The following NFATC3 variants were observed in gnomAD, a reference collection of about 807,000 sequenced individuals.
NFATC3 encodes the protein nuclear factor of activated T-cells, cytoplasmic 3.
In NFATC3, 46 loss-of-function variants were observed where a neutral mutation model predicts 98.6. The observed-to-expected ratio is 0.47, with a 90% CI of 0.37 to 0.60. NFATC3 has a LOEUF of 0.60. NFATC3 is among the 20% of genes least tolerant of loss of function. The pLI, the probability that NFATC3 is intolerant of heterozygous loss-of-function variation, is 0.00. For missense variants in NFATC3, 1,256 were observed against 1,295.5 expected (o/e 0.97, Z 0.47); for synonymous variants, 512 against 472.2 (o/e 1.08, Z -1.09).
At chr16:68,189,306 G>A (rs2040341288) in intron 8 of NFATC3, 1 of 193,876 alleles carries the variant, frequency 5.2e-6, no homozygotes, top group Admixed American at 5.0e-5. Context: ...CTTGGGTAGA[G>A]TGATGTCTGG....
Position 68,190,751 on chromosome 16 carries a change from A to G in NFATC3, c.2099-17A>G, listed in dbSNP as rs375504415. The G allele has an allele frequency of 2.7e-5, 42 of 1,580,168 alleles. No homozygotes were observed. The African/African-American group carries it at 4.1e-4, about 15-fold the overall frequency. Reference sequence around the variant, plus strand: ...TGTATTGTATAATAATATTTGCTTTAATCATTTTCTTTTCAGTTTTGATGA... The same window carrying G: ...TGTATTGTATAATAATATTTGCTTTGATCATTTTCTTTTCAGTTTTGATGA... On this transcript the variant is annotated splice_polypyrimidine_tract_variant and intron_variant, in intron 8 of 9. Transcript: ENST00000346183.
chr16:68,109,629 G>C (rs2151478578), intron 1 of NFATC3, among the ~76,000 whole-genome samples: 3 of 152,270 alleles, frequency 2.0e-5, no homozygotes, highest in Admixed American at 2.0e-4. Flanking sequence ...CGGTTGTTTG[G>C]AATAGTTTCG....
intron 9 of NFATC3, among the ~76,000 whole-genome samples, chr16:68,201,790 A>C (rs2040926303): frequency 6.7e-6 from 1 of 149,978 alleles, no homozygotes; most frequent in Non-Finnish European, 1.5e-5. Flanking sequence ...ATCTCTACCA[A>C]AAAGGAAAAA....
rs1207593190 is a variant in NFATC3 at position 68,190,860 on chromosome 16, T to C, written c.2191T>C (p.Ser731Pro). Residue 731 changes from serine to proline, a missense_variant, in exon 9 of 10, where the codon TCT (serine) becomes CCT (proline). Ser to Pro is a moderately conservative substitution (Grantham distance 74, BLOSUM62 -1). Transcript: ENST00000346183. ...TCCTGCTCAGACCCAGAGGCCTTCCTCTGATTCAGGGTGTTCACATGACAG... is the reference window on the plus strand; with the variant it reads ...TCCTGCTCAGACCCAGAGGCCTTCCCCTGATTCAGGGTGTTCACATGACAG... ...PHPAQTQRPS[S>P]DSGCSHDSVL... 4 of 1,614,228 alleles carry C rather than the reference T, an allele frequency of 2.5e-6. No homozygotes were observed. In the South Asian group the frequency reaches 4.4e-5, roughly 18 times the overall value.
chr16:68,149,006 AAAATT>A (rs2038181045), intron 3 of NFATC3, among the ~76,000 whole-genome samples: 1 of 152,190 alleles, frequency 6.6e-6, no homozygotes, highest in Non-Finnish European at 1.5e-5. Flanking sequence ...AAAAGAAAAA[AAAATT>A]AAATTGAATT....
Position 68,228,573 on chromosome 16 carries a change from T to G in NFATC3, c.*2102T>G, listed in dbSNP as rs1189890414. ...ATGCTTTCCTATTTAAAATAAACAT[T>G]AAATTTTAAAATAGAGCTTTGTATA... On this transcript the variant is annotated 3_prime_UTR_variant, in exon 10 of 10. Transcript: ENST00000346183. 1 of 152,626 alleles carries G rather than the reference T, an allele frequency of 6.6e-6. No individual in the cohort carries two copies. The highest frequency in any genetic ancestry group is 1.5e-5 in the Non-Finnish European group (1 of 68,036). 9.5% of individuals were successfully genotyped at this position (152,626 alleles called of 1,614,324 possible).
intron 6 of NFATC3, among the ~76,000 whole-genome samples, chr16:68,175,378 A>G (rs1338364988): frequency 6.6e-6 from 1 of 151,856 alleles, no homozygotes; most frequent in Non-Finnish European, 1.5e-5. Flanking sequence ...ATATCCCCCA[A>G]CCCTCTGAGT....
chr16:68,183,341 G>A lies in NFATC3; in HGVS notation c.2073G>A (p.Gln691=), dbSNP rs937572098. The part of the protein sequence containing the change: ...YLCNGKRKKS[Q]SQRFTYTPVL... ...GCAATGGCAAGAGGAAAAAAAGCCA[G>A]TCTCAACGTTTTACTTATACACCAG... The change falls in exon 8 of 10, where the codon CAG becomes CAA. Residue 691 remains glutamine, a synonymous_variant. Transcript: ENST00000346183. 11 of 1,613,504 alleles carry A rather than the reference G, an allele frequency of 6.8e-6. No individual in the cohort carries two copies. Among genetic ancestry groups the A allele is most frequent in the Admixed American group, 3.3e-5 (2 of 60,008 alleles).
intron 5 of NFATC3, among the ~76,000 whole-genome samples, chr16:68,168,184 G>C (rs1598490214): frequency 6.7e-6 from 1 of 149,918 alleles, no homozygotes; most frequent in South Asian, 2.1e-4. Flanking sequence ...TTTTTGAGAC[G>C]GAGTCTCACT....
chr16:68,190,577 G>A (rs535663098), intron 8 of NFATC3, among the ~76,000 whole-genome samples, 191 bp from the exon 9 acceptor site: 20 of 152,128 alleles, frequency 1.3e-4, no homozygotes, highest in Admixed American at 1.2e-3. Context: ...GAAGCAAAAC[G>A]TGTATGTGTA....
chr16:68,162,529 A>G (rs1343989592), intron 4 of NFATC3, among the ~76,000 whole-genome samples: 3 of 151,970 alleles, frequency 2.0e-5, no homozygotes, highest in Non-Finnish European at 4.4e-5. Flanking sequence ...GGAAAAATTC[A>G]TAGATACTCC....
At chr16:68,176,333 A>G (rs1039539420) in intron 6 of NFATC3, among the ~76,000 whole-genome samples, 1 of 149,698 alleles carries the variant, frequency 6.7e-6, no homozygotes, top group Non-Finnish European at 1.5e-5. Context: ...AATGGAAACA[A>G]CCTAAATGCT....
intron 5 of NFATC3, among the ~76,000 whole-genome samples, chr16:68,171,088 ACC>A (rs2039437630): frequency 6.6e-6 from 1 of 151,692 alleles, no homozygotes; most frequent in African/African-American, 2.4e-5. Context: ...GCTCACTGCA[ACC>A]TCTGCCTCCT....
intron 3 of NFATC3, among the ~76,000 whole-genome samples, chr16:68,145,522 A>T (rs868331071): frequency 9.2e-5 from 14 of 152,252 alleles, no homozygotes; most frequent in African/African-American, 2.9e-4. Context: ...CATACAATGT[A>T]CTACCACTCA....
rs774587899 is a variant in NFATC3, at chr16:68,191,439, A to C, written c.2770A>C (p.Thr924Pro). 1 of 1,614,142 alleles carries C rather than the reference A, an allele frequency of 6.2e-7. No individual in the cohort carries two copies. The highest frequency in any genetic ancestry group is 1.1e-5 in the South Asian group (1 of 91,084). Residue 924 changes from threonine (T) to proline (P), a missense_variant, in exon 9 of 10, where the codon ACA becomes CCA. Physicochemically the swap from Thr to Pro is conservative, Grantham distance 38 (BLOSUM62 -1). This residue lies in a region of NFATC3 where 636 missense variants were observed against 617.3 expected (regional missense o/e 1.03). Transcript: ENST00000346183. Reference sequence around the variant, plus strand: ...TGGTCCTTCACATTCAGGGTCTGCTACAACAGCTTCCCCAGCAGCTTCTCA... The same window carrying C: ...TGGTCCTTCACATTCAGGGTCTGCTCCAACAGCTTCCCCAGCAGCTTCTCA... ...TYGPSHSGSA[T>P]TASPAASHPL...
intron 8 of NFATC3, among the ~76,000 whole-genome samples, chr16:68,189,821 T>C (rs571055971): frequency 6.6e-6 from 1 of 152,290 alleles, no homozygotes; most frequent in Admixed American, 6.5e-5. Flanking sequence ...CCCAGCACTT[T>C]GGGAGGTTGA....
At chr16:68,140,706 A>G (rs1357161996) in intron 3 of NFATC3, among the ~76,000 whole-genome samples, 2 of 152,126 alleles carry the variant, frequency 1.3e-5, no homozygotes, top group African/African-American at 2.4e-5. Context: ...AAAAAAAAGG[A>G]GTATTTTAGT....
intron 3 of NFATC3, among the ~76,000 whole-genome samples, chr16:68,140,647 G>A (rs1598431481): frequency 6.6e-6 from 1 of 150,548 alleles, no homozygotes; most frequent in Admixed American, 6.6e-5. Context: ...AATGATCATG[G>A]ATTTTTTTTT....
intron 3 of NFATC3, among the ~76,000 whole-genome samples, chr16:68,151,021 G>A (rs1002297757): frequency 3.9e-5 from 6 of 152,086 alleles, no homozygotes; most frequent in African/African-American, 1.2e-4. Flanking sequence ...CCAGTCTCGG[G>A]CAGTTTCTTA....
Sources: gnomAD v4.1 joint callset for allele counts (sites outside exome capture counted in the v4.1 genomes callset) on GRCh38, gnomAD v4.1.1 for gene constraint, gnomAD v4.1.1 regional missense constraint, MANE v1.5 for transcripts, NCBI Gene and HGNC (gene_info 2026-07-23, HGNC 2026-07-21) for gene names.